The following KSR1 variants were observed in gnomAD, a reference collection of about 807,000 sequenced individuals.
The protein encoded by KSR1 is kinase suppressor of ras.
KSR1 carries 35 observed loss-of-function variants against 92.9 expected under a neutral mutation model. That is an observed-to-expected ratio of 0.38 (90% CI 0.29 to 0.50). The LOEUF (loss-of-function observed/expected upper bound fraction) is 0.50. Among genes scored for constraint, KSR1 ranks in the 20% least tolerant of loss-of-function variants. The pLI is 0.94. For synonymous variants in KSR1, 467 were observed against 472.6 expected (o/e 0.99, Z 0.15); for missense variants, 972 against 1,158.5 (o/e 0.84, Z 2.34).
At chr17:27,522,554 T>C (rs1055777618) in intron 1 of KSR1, among the ~76,000 whole-genome samples, 4 of 152,204 alleles carry the variant, frequency 2.6e-5, no homozygotes, top group Non-Finnish European at 5.9e-5. Flanking sequence ...AGATGTTCTT[T>C]TCAGCAGCCT....
At chr17:27,483,370 C>G (rs926816041) in intron 1 of KSR1, among the ~76,000 whole-genome samples, 1 of 152,022 alleles carries the variant, frequency 6.6e-6, no homozygotes, top group African/African-American at 2.4e-5. Context: ...GGTGGATCAC[C>G]TGAGGTCGGG....
intron 2 of KSR1, among the ~76,000 whole-genome samples, chr17:27,569,777 T>C: frequency 6.6e-6 from 1 of 152,236 alleles, no homozygotes; most frequent in East Asian, 1.9e-4. Context: ...ACAGAGACCA[T>C]GTGGCCCACA....
At chr17:27,501,279 A>T (rs1158046481) in intron 1 of KSR1, among the ~76,000 whole-genome samples, 703 of 68,892 alleles carry the variant, frequency 0.01, no homozygotes, top group Middle Eastern at 0.018. Flanking sequence ...TTTTTTTTTT[A>T]ATTTCTTTTC....
chr17:27,547,483 A>C (rs1047262209), intron 1 of KSR1, among the ~76,000 whole-genome samples: 1 of 152,248 alleles, frequency 6.6e-6, no homozygotes, highest in African/African-American at 2.4e-5. Context: ...AGTAGGAATC[A>C]CAGTTGTGGA....
In KSR1 at chr17:27,624,335, CCTTTGT is replaced by C. The variant is rs2074295916; in HGVS notation, c.*945_*950del. 1.3e-5 allele frequency: 2 copies of C among 152,242 alleles called. No homozygotes were observed. Among genetic ancestry groups the C allele is most frequent in the African/African-American group, 4.8e-5 (2 of 41,428 alleles). The allele number at this position is 152,242 out of a possible 1,614,324, so 9.4% of individuals were successfully genotyped here. On this transcript the variant is annotated 3_prime_UTR_variant, in exon 21 of 21. Coordinates refer to ENST00000644974, the MANE Select transcript of KSR1 (RefSeq NM_001394583.1). ...AGGGTGACCCTGGCACTGTAAAAAC[CCTTTGT>C]CAGTCATGCCAGAAGGTTCTAGAAC... is the stretch of plus-strand genomic sequence containing the variant.
At chr17:27,571,395 TGC>T (rs1404018073) in intron 2 of KSR1, among the ~76,000 whole-genome samples, 1 of 152,226 alleles carries the variant, frequency 6.6e-6, no homozygotes, top group African/African-American at 2.4e-5. Context: ...ATCTGTCAGG[TGC>T]TCCCTTGCCA....
intron 1 of KSR1, among the ~76,000 whole-genome samples, chr17:27,547,065 T>C (rs1334932172): frequency 6.6e-6 from 1 of 152,114 alleles, no homozygotes; most frequent in Non-Finnish European, 1.5e-5. Flanking sequence ...GACTCAGCGC[T>C]CCCTCTCCAG....
chr17:27,597,584 T>A, intron 10 of KSR1, 148 bp downstream of exon 10: 1 of 832,184 alleles, frequency 1.2e-6, no homozygotes. Context: ...CCAAGCACAA[T>A]AGCTCTGAGG....
At chr17:27,572,677 T>A (rs187648838) in intron 2 of KSR1, among the ~76,000 whole-genome samples, 4 of 152,340 alleles carry the variant, frequency 2.6e-5, no homozygotes, top group African/African-American at 4.8e-5. Context: ...CAAAACTGAT[T>A]CCCTAATTTG....
chr17:27,582,387 G>T (rs1213304717), intron 3 of KSR1, among the ~76,000 whole-genome samples: 1 of 152,182 alleles, frequency 6.6e-6, no homozygotes, highest in Non-Finnish European at 1.5e-5. Context: ...AAGTTTTGGA[G>T]CGTTTTGGAT....
chr17:27,588,938 G>A (rs557022403), intron 6 of KSR1, among the ~76,000 whole-genome samples: 3 of 152,092 alleles, frequency 2.0e-5, no homozygotes, highest in Non-Finnish European at 4.4e-5. Flanking sequence ...CCAGATTCCC[G>A]GGCTCCACCC....
At chr17:27,551,356 C>T (rs570460934) in intron 2 of KSR1, among the ~76,000 whole-genome samples, 3 of 152,230 alleles carry the variant, frequency 2.0e-5, no homozygotes, top group East Asian at 1.9e-4. Flanking sequence ...TCATGGAGTG[C>T]GGATTAGTCC....
chr17:27,540,946 C>T (rs1251507150), intron 1 of KSR1, among the ~76,000 whole-genome samples: 9 of 152,258 alleles, frequency 5.9e-5, no homozygotes, highest in Non-Finnish European at 7.3e-5. Context: ...CCCAGAAATG[C>T]ACTCCAGCTT....
chr17:27,508,321 T>A (rs753758053), intron 1 of KSR1, among the ~76,000 whole-genome samples: 16 of 152,204 alleles, frequency 1.1e-4, no homozygotes, highest in Non-Finnish European at 1.9e-4. Flanking sequence ...TATCATTGAC[T>A]GGGTGCCTAT....
intron 9 of KSR1, among the ~76,000 whole-genome samples, chr17:27,595,099 G>C (rs2073296295): frequency 6.6e-6 from 1 of 152,192 alleles, no homozygotes; most frequent in Non-Finnish European, 1.5e-5. Context: ...GTGTACCCCA[G>C]AGCCTTCACA....
At chr17:27,547,274 T>A (rs1166044646) in intron 1 of KSR1, among the ~76,000 whole-genome samples, 2 of 152,272 alleles carry the variant, frequency 1.3e-5, no homozygotes, top group African/African-American at 4.8e-5. Flanking sequence ...TCTCATTTCA[T>A]GCTCACATCT....
chr17:27,571,419 G>A (rs975307222), intron 2 of KSR1, among the ~76,000 whole-genome samples: 2 of 152,192 alleles, frequency 1.3e-5, no homozygotes, highest in African/African-American at 4.8e-5. Context: ...TTTGAGACAT[G>A]TGGCTCCCAG....
In KSR1 at chr17:27,623,809, T is replaced by C; in HGVS notation, c.*417T>C. On this transcript the variant is annotated 3_prime_UTR_variant, in exon 21 of 21. Transcript: ENST00000644974. ...AAGACAAACATGGTAATTGCAGCTGTTCTTGGGGTAGGGCGGGGAGCCCAG... is the reference window on the plus strand; with the variant it reads ...AAGACAAACATGGTAATTGCAGCTGCTCTTGGGGTAGGGCGGGGAGCCCAG... 2 of 537,688 alleles carry C rather than the reference T, an allele frequency of 3.7e-6. No individual in the cohort carries two copies. Among genetic ancestry groups the C allele is most frequent in the Non-Finnish European group, 6.4e-6 (2 of 311,796 alleles). The allele number at this position is 537,688 out of a possible 1,614,324, so 33.3% of individuals were successfully genotyped here.
At chr17:27,523,870 C>T (rs910829460) in intron 1 of KSR1, among the ~76,000 whole-genome samples, 4 of 152,120 alleles carry the variant, frequency 2.6e-5, no homozygotes, top group African/African-American at 9.7e-5. Flanking sequence ...GTGGCACTTC[C>T]ATTTATGTGT....
Sources: gnomAD v4.1 joint callset for allele counts (sites outside exome capture counted in the v4.1 genomes callset) on GRCh38, gnomAD v4.1.1 for gene constraint, MANE v1.5 for transcripts, NCBI Gene and HGNC (gene_info 2026-07-23, HGNC 2026-07-21) for gene names.